The following RERE variants were observed in gnomAD, a reference collection of about 807,000 sequenced individuals.
RERE encodes the protein arginine-glutamic acid dipeptide repeats protein.
A neutral mutation model predicts 146.1 loss-of-function variants in RERE; 40 were observed. The ratio of observed to expected loss-of-function variants is 0.27; its 90% CI spans 0.21 to 0.36. The LOEUF is 0.36. Among genes scored for constraint, RERE ranks in the 10% least tolerant of loss-of-function variants. RERE has a pLI of 1.00. For missense variants in RERE, 1,933 were observed against 2,138.7 expected, an observed-to-expected ratio of 0.90 and a Z score of 1.90; for synonymous variants, 1,003 against 866.0, an observed-to-expected ratio of 1.16 and a Z score of -2.78.
At chr1:8,724,444 AT>A (rs1639919311) in intron 1 of RERE, among the ~76,000 whole-genome samples, 1 of 152,222 alleles carries the variant, frequency 6.6e-6, no homozygotes, top group South Asian at 2.1e-4. Flanking sequence ...TAAAGAAAAC[AT>A]TTAGTAAGTT....
At chr1:8,380,001 T>A (rs1403452401) in intron 12 of RERE, among the ~76,000 whole-genome samples, 1 of 152,192 alleles carries the variant, frequency 6.6e-6, no homozygotes. Flanking sequence ...AAATCACCAC[T>A]GTTGTCATGA....
At chr1:8,711,824 G>T (rs896864544) in intron 1 of RERE, among the ~76,000 whole-genome samples, 3 of 152,076 alleles carry the variant, frequency 2.0e-5, no homozygotes, top group Non-Finnish European at 4.4e-5. Flanking sequence ...ACAGATAATT[G>T]TATGACTTAT....
chr1:8,589,889 C>G (rs1277634059), intron 4 of RERE, among the ~76,000 whole-genome samples: 1 of 152,228 alleles, frequency 6.6e-6, no homozygotes, highest in Non-Finnish European at 1.5e-5. Context: ...CTCATATAAA[C>G]TCTATAACCT....
intron 11 of RERE, among the ~76,000 whole-genome samples, chr1:8,454,111 G>C (rs1453287584): frequency 6.6e-6 from 1 of 152,210 alleles, no homozygotes; most frequent in African/African-American, 2.4e-5. Context: ...TCCCACTCTG[G>C]TGGAGTCTAT....
intron 10 of RERE, among the ~76,000 whole-genome samples, chr1:8,473,452 G>C (rs966330378): frequency 1.3e-5 from 2 of 152,182 alleles, no homozygotes; most frequent in African/African-American, 4.8e-5. Context: ...GCGGATTTTG[G>C]TGCTAAAAAC....
intron 10 of RERE, among the ~76,000 whole-genome samples, chr1:8,488,882 C>T (rs1051739778): frequency 2.6e-5 from 4 of 152,210 alleles, no homozygotes; most frequent in African/African-American, 2.4e-5. Context: ...CCATAATTAA[C>T]GCATCACAAT....
chr1:8,386,672 T>G (rs1045931686), intron 12 of RERE, among the ~76,000 whole-genome samples: 1 of 151,632 alleles, frequency 6.6e-6, no homozygotes, highest in African/African-American at 2.4e-5. Context: ...ATAAACTCAT[T>G]ATAGGATGCC....
At chr1:8,370,366 A>G (rs1641990927) in intron 12 of RERE, among the ~76,000 whole-genome samples, 1 of 152,182 alleles carries the variant, frequency 6.6e-6, no homozygotes, top group Non-Finnish European at 1.5e-5. Flanking sequence ...AACTCAGGTA[A>G]GCACTCCAGG....
At chr1:8,362,970 T>G in intron 15 of RERE, 126 bp from the exon 16 acceptor site, 1 of 1,099,064 alleles carries the variant, frequency 9.1e-7, no homozygotes, top group Non-Finnish European at 1.3e-6. Flanking sequence ...TCCCAGACCT[T>G]GGCAAACAAC....
intron 2 of RERE, among the ~76,000 whole-genome samples, chr1:8,631,491 T>C (rs1647034823): frequency 6.6e-6 from 1 of 152,234 alleles, no homozygotes; most frequent in African/African-American, 2.4e-5. Context: ...ATCAATCATA[T>C]GCTATACAAA....
chr1:8,361,065 C>A lies in RERE; in HGVS notation c.2442G>T (p.Pro814=), dbSNP rs1012688570. 10 of 1,433,156 alleles carry A rather than the reference C, an allele frequency of 7.0e-6. No homozygotes were observed. Among genetic ancestry groups the A allele is most frequent in the African/African-American group, 2.9e-5 (2 of 69,076 alleles). 88.8% of individuals were successfully genotyped at this position (1,433,156 alleles called of 1,614,324 possible). ...PALHPQRPPS[P]HPPPHPSPHP... is the part of the protein sequence containing the mutation. ...GTGGCGAGGGATGCGGCGGGGGATG[C>A]GGTGAGGGCGGCCGCTGGGGGTGCA... Residue 814 remains proline, a synonymous_variant, in exon 18 of 23, where the codon CCG becomes CCT. Transcript: ENST00000400908.
intron 10 of RERE, among the ~76,000 whole-genome samples, chr1:8,472,036 TCCTGA>T (rs1557647309): frequency 1.3e-5 from 2 of 152,206 alleles, no homozygotes; most frequent in African/African-American, 4.8e-5. Context: ...GGTCTTGAAC[TCCTGA>T]CCTCAGGTGA....
intron 7 of RERE, among the ~76,000 whole-genome samples, chr1:8,533,869 A>G (rs578110210): frequency 6.6e-6 from 1 of 152,366 alleles, no homozygotes; most frequent in East Asian, 1.9e-4. Flanking sequence ...GGTTTTTGAA[A>G]TGATCAAATC....
Position 8,364,911 on chromosome 1 carries a change from GGGGGGGA to G in RERE, c.1448-80_1448-74del. On this transcript the variant is annotated intron_variant, in intron 13 of 22. Transcript: ENST00000400908. This position sits in a 1 kb window ranked among gnomAD's most constrained non-coding sequence, Gnocchi z 5.1. Reference sequence around the variant, plus strand: ...TCAGCCAAGGCTGGGCCGGTGGGGTGGGGGGGAGGGGGGAACACCTGTGACCTCTGGC... The same window carrying G: ...TCAGCCAAGGCTGGGCCGGTGGGGTGGGGGGGAACACCTGTGACCTCTGGC... The G allele has an allele frequency of 1.4e-6, 1 of 727,184 alleles. No homozygotes were observed. The highest frequency in any genetic ancestry group is 2.3e-6 in the Non-Finnish European group (1 of 435,906). 45.0% of individuals were successfully genotyped at this position (727,184 alleles called of 1,614,324 possible).
chr1:8,356,994 A>C lies in RERE; in HGVS notation c.4340-748T>G, dbSNP rs558015206. 7.2e-5 allele frequency among the ~76,000 whole-genome samples: 11 copies of C among 151,970 alleles called. No homozygotes were observed. In the South Asian group the frequency reaches 2.1e-3, roughly 29 times the overall value. The stretch of plus-strand genomic sequence containing the variant: ...CTTTCATCTCCTCCATGTTTCTGCT[A>C]CCTCCTCAGCGGACCTCTCCTGACG... On this transcript the variant is annotated intron_variant, in intron 20 of 22. Transcript: ENST00000400908. The surrounding 1 kb of genome is among the most constrained non-coding windows in gnomAD (Gnocchi z 5.2).
In RERE at chr1:8,353,393, TC is replaced by T; in HGVS notation, c.*1693del. On this transcript the variant is annotated 3_prime_UTR_variant, in exon 23 of 23. Transcript: ENST00000400908. Reference sequence around the variant, plus strand: ...TCAAACTATCAGCATCTCTTCCTGCTCCCTCTGCGGCCTGGGTCCTGGATGG... The same window carrying T: ...TCAAACTATCAGCATCTCTTCCTGCTCCTCTGCGGCCTGGGTCCTGGATGG... 6.6e-6 allele frequency: 1 copy of T among 152,218 alleles called. No individual in the cohort carries two copies. Among genetic ancestry groups the T allele is most frequent in the Non-Finnish European group, 1.5e-5 (1 of 68,034 alleles). The allele number at this position is 152,218 out of a possible 1,614,324, so 9.4% of individuals were successfully genotyped here.
chr1:8,390,861 C>T (rs1032581743), intron 12 of RERE, among the ~76,000 whole-genome samples: 2 of 152,190 alleles, frequency 1.3e-5, no homozygotes, highest in Admixed American at 1.3e-4. Flanking sequence ...TCCTCCCTGA[C>T]GCTGTCCTCT....
intron 1 of RERE, among the ~76,000 whole-genome samples, chr1:8,769,086 G>T (rs1323046332): frequency 6.6e-6 from 1 of 152,202 alleles, no homozygotes; most frequent in Non-Finnish European, 1.5e-5. Flanking sequence ...GAGGTGAGTA[G>T]TTGTGACCAT....
At chr1:8,467,591 T>G (rs954647277) in intron 10 of RERE, among the ~76,000 whole-genome samples, 21 of 152,352 alleles carry the variant, frequency 1.4e-4, no homozygotes, top group African/African-American at 4.6e-4. Flanking sequence ...CAAGTCTCTC[T>G]TCCAAACATT....
Sources: gnomAD v4.1 joint callset for allele counts (sites outside exome capture counted in the v4.1 genomes callset) on GRCh38, gnomAD v4.1.1 for gene constraint, Gnocchi (gnomAD v3.1) non-coding constraint, MANE v1.5 for transcripts, NCBI Gene and HGNC (gene_info 2026-07-23, HGNC 2026-07-21) for gene names.